The following TM9SF3 variants were observed in gnomAD, a reference collection of about 807,000 sequenced individuals.
The protein encoded by TM9SF3 is SM-11044-binding protein.
A neutral mutation model predicts 78.6 loss-of-function variants in TM9SF3; 14 were observed. That is an observed-to-expected ratio of 0.18 (90% confidence interval 0.12 to 0.28). The LOEUF (loss-of-function observed/expected upper bound fraction) is 0.28. TM9SF3 is among the 10% of genes least tolerant of loss of function. The pLI, the probability that TM9SF3 is intolerant of heterozygous loss-of-function variation, is 1.00. For synonymous variants in TM9SF3, 231 were observed against 241.7 expected (o/e 0.96, Z 0.41); for missense variants, 496 against 721.9 (o/e 0.69, Z 3.59).
chr10:96,561,208 A>G (rs1848304162), intron 4 of TM9SF3, among the ~76,000 whole-genome samples: 1 of 152,058 alleles, frequency 6.6e-6, no homozygotes, highest in South Asian at 2.1e-4. Flanking sequence ...GTTCTGAATC[A>G]CCTTCGTATC....
intron 11 of TM9SF3, among the ~76,000 whole-genome samples, chr10:96,529,647 TAA>T (rs72071295): frequency 1.5e-4 from 22 of 147,854 alleles, no homozygotes; most frequent in African/African-American, 5.4e-4. Flanking sequence ...GCTCTATATT[TAA>T]AAAAAAAAAA....
chr10:96,557,944 G>A (rs535880179), intron 5 of TM9SF3, among the ~76,000 whole-genome samples: 1 of 152,164 alleles, frequency 6.6e-6, no homozygotes, highest in African/African-American at 2.4e-5. Flanking sequence ...TGACTAGAAC[G>A]TAAGTTCCTA....
chr10:96,586,409 G>A (rs1848630260), intron 1 of TM9SF3, among the ~76,000 whole-genome samples: 1 of 152,086 alleles, frequency 6.6e-6, no homozygotes, highest in Non-Finnish European at 1.5e-5. Context: ...CCCCGCTCCC[G>A]CGGTGGATGA....
At chr10:96,557,354 A>G (rs1848246323) in intron 5 of TM9SF3, among the ~76,000 whole-genome samples, 1 of 138,460 alleles carries the variant, frequency 7.2e-6, no homozygotes, top group Admixed American at 7.7e-5. Flanking sequence ...AAAACCCTAG[A>G]GTTTGTCTCA....
At chr10:96,525,615 G>A (rs1324547133) in intron 14 of TM9SF3, among the ~76,000 whole-genome samples, 2 of 151,798 alleles carry the variant, frequency 1.3e-5, no homozygotes, top group African/African-American at 2.4e-5. Flanking sequence ...AGCCAAAGGT[G>A]GAATTATCAA....
At chr10:96,563,050 G>A (rs1179238026) in intron 3 of TM9SF3, among the ~76,000 whole-genome samples, 1 of 143,048 alleles carries the variant, frequency 7.0e-6, no homozygotes, top group Non-Finnish European at 1.5e-5. Flanking sequence ...GCTTGGGATT[G>A]TAGGGGATAA....
intron 4 of TM9SF3, chr10:96,560,857 C>T: frequency 1.9e-6 from 1 of 537,920 alleles, no homozygotes; most frequent in Non-Finnish European, 3.6e-6. Context: ...TCCTAAAACA[C>T]CAAAAGGACC....
At chr10:96,585,228 C>T (rs781560080) in intron 1 of TM9SF3, among the ~76,000 whole-genome samples, 1 of 151,970 alleles carries the variant, frequency 6.6e-6, no homozygotes, top group South Asian at 2.1e-4. Context: ...CATATGGTAA[C>T]TTTTCCTAAG....
At chr10:96,563,172 C>G (rs1848329945) in intron 3 of TM9SF3, among the ~76,000 whole-genome samples, 2 of 152,120 alleles carry the variant, frequency 1.3e-5, no homozygotes, top group Admixed American at 6.6e-5. Context: ...AACTCCTGGG[C>G]TCAAACAATC....
intron 9 of TM9SF3, among the ~76,000 whole-genome samples, chr10:96,539,990 T>A (rs1848003571): frequency 1.3e-5 from 2 of 152,194 alleles, no homozygotes; most frequent in Admixed American, 1.3e-4. Flanking sequence ...CGTGTGAAAA[T>A]GCTTTGTAAA....
At chr10:96,580,002 G>C (rs1271635939) in intron 1 of TM9SF3, among the ~76,000 whole-genome samples, 5 of 152,220 alleles carry the variant, frequency 3.3e-5, no homozygotes. Flanking sequence ...TCTGTGGGAA[G>C]AGAGTGCTAG....
chr10:96,562,215 A>T, intron 3 of TM9SF3, 77 bp from the exon 4 acceptor site: 5 of 953,004 alleles, frequency 5.2e-6, no homozygotes, highest in Non-Finnish European at 5.8e-6. Flanking sequence ...ATGCTCATTA[A>T]GTTTTTTTTT....
At chr10:96,550,067 TGAA>T (rs745594041) in intron 7 of TM9SF3, among the ~76,000 whole-genome samples, 18 of 152,206 alleles carry the variant, frequency 1.2e-4, no homozygotes, top group Non-Finnish European at 2.1e-4. Flanking sequence ...CCCGAAAATA[TGAA>T]CTACTCGCCA....
At chr10:96,569,769 C>G (rs1276889609) in intron 2 of TM9SF3, among the ~76,000 whole-genome samples, 1 of 152,190 alleles carries the variant, frequency 6.6e-6, no homozygotes, top group South Asian at 2.1e-4. Flanking sequence ...CGCAATGGCT[C>G]ACACCTGTAA....
At chr10:96,547,853 G>A in intron 8 of TM9SF3, 42 bp downstream of exon 8, 3 of 1,476,004 alleles carry the variant, frequency 2.0e-6, no homozygotes, top group Non-Finnish European at 2.8e-6. Context: ...TAAAATATTA[G>A]CATCTATAAT....
At chr10:96,558,353 C>A (rs978479263) in intron 5 of TM9SF3, among the ~76,000 whole-genome samples, 1 of 151,962 alleles carries the variant, frequency 6.6e-6, no homozygotes, top group Non-Finnish European at 1.5e-5. Context: ...TCAGTAAAGA[C>A]AATCCAGGCA....
At chr10:96,581,046 T>C (rs377383039) in intron 1 of TM9SF3, among the ~76,000 whole-genome samples, 2 of 152,092 alleles carry the variant, frequency 1.3e-5, no homozygotes, top group East Asian at 1.9e-4. Flanking sequence ...CTAAAGACAG[T>C]CCTGAACACT....
rs1211387520 is a variant in TM9SF3, at chr10:96,567,879, T to C, written c.299-2453A>G. Among the ~76,000 whole-genome samples the C allele has an allele frequency of 1.2e-4, 19 of 152,232 alleles. 1 individual carries two copies. Among genetic ancestry groups the C allele is most frequent in the Admixed American group, 1.2e-3 (18 of 15,284 alleles). The stretch of plus-strand genomic sequence containing the variant: ...AAGGAAATCACTACACATATTAGGG[T>C]ATGTACCTATACATGCATCTGTGTA... On this transcript the variant is annotated intron_variant, in intron 2 of 14. Transcript: ENST00000371142.
At chr10:96,549,703 A>G (rs981374759) in intron 7 of TM9SF3, among the ~76,000 whole-genome samples, 1 of 152,014 alleles carries the variant, frequency 6.6e-6, no homozygotes. Flanking sequence ...AACCACTTAC[A>G]GTAATTATAG....
Sources: allele counts gnomAD v4.1 joint callset (sites outside exome capture counted in the v4.1 genomes callset), GRCh38; gene constraint gnomAD v4.1.1; transcripts MANE v1.5; gene names NCBI Gene and HGNC (gene_info 2026-07-23, HGNC 2026-07-21).